The following SBNO1 variants were observed in gnomAD, a reference collection of about 807,000 sequenced individuals.
The protein encoded by SBNO1 is strawberry notch homolog 1, also known as protein strawberry notch homolog 1.
Under a neutral mutation model 173.6 loss-of-function variants are expected in SBNO1, and 23 were observed. The ratio of observed to expected loss-of-function variants is 0.13; its 90% CI spans 0.10 to 0.19. The LOEUF is 0.19. SBNO1 is among the 10% of genes least tolerant of loss of function. The probability of loss-of-function intolerance (pLI) is 1.00; values close to 1 mark genes in which losing one functional copy is unlikely to be tolerated. For synonymous variants in SBNO1, 632 were observed against 571.5 expected (o/e 1.11, Z -1.51); for missense variants, 1,238 against 1,671.2 (o/e 0.74, Z 4.52).
intron 6 of SBNO1, 119 bp downstream of exon 6, chr12:123,336,276 T>TA: frequency 2.9e-6 from 2 of 698,124 alleles, no homozygotes; most frequent in Admixed American, 5.8e-5. Context: ...GTTTTGGTTT[T>TA]AAAAGACTTT....
chr12:123,353,096 C>G (rs1946002007), intron 1 of SBNO1, among the ~76,000 whole-genome samples: 1 of 152,148 alleles, frequency 6.6e-6, no homozygotes, highest in African/African-American at 2.4e-5. Flanking sequence ...CCGCGCCCAG[C>G]CTCCCAAAGG....
At chr12:123,338,925 TCCC>T (rs1872212717) in intron 5 of SBNO1, among the ~76,000 whole-genome samples, 2 of 30,320 alleles carry the variant, frequency 6.6e-5, no homozygotes, top group Non-Finnish European at 5.6e-4. Flanking sequence ...CCCCCCCCCC[TCCC>T]CGACTAGTTT....
chr12:123,342,163 C>T (rs1872644019), intron 4 of SBNO1, among the ~76,000 whole-genome samples: 2 of 151,808 alleles, frequency 1.3e-5, no homozygotes, highest in Non-Finnish European at 2.9e-5. Context: ...AGGCAGAGAA[C>T]TGCTTGAACC....
intron 30 of SBNO1, among the ~76,000 whole-genome samples, chr12:123,301,496 T>A (rs2048788546): frequency 1.3e-5 from 2 of 152,122 alleles, no homozygotes; most frequent in African/African-American, 2.4e-5. Context: ...TTCCTTTTCA[T>A]GAAGTGGGCC....
At chr12:123,353,776 T>C in intron 1 of SBNO1, among the ~76,000 whole-genome samples, 1 of 152,224 alleles carries the variant, frequency 6.6e-6, no homozygotes, top group Admixed American at 6.5e-5. Flanking sequence ...CTTGGCCCAC[T>C]GGCTACAGAT....
chr12:123,345,830 C>A (rs1264273719), intron 3 of SBNO1, among the ~76,000 whole-genome samples: 1 of 151,990 alleles, frequency 6.6e-6, no homozygotes, highest in Admixed American at 6.6e-5. Context: ...CCACCATGCC[C>A]GGCAAATTTT....
intron 1 of SBNO1, 67 bp downstream of exon 1, chr12:123,364,634 G>GAGA (rs60536287): frequency 1.8e-5 from 18 of 983,076 alleles, no homozygotes; most frequent in South Asian, 9.4e-5. Context: ...GCCCCCCGAG[G>GAGA]GTGGGAGTGG....
At position 123,336,469 on chromosome 12, in the gene SBNO1, T is replaced by C; in HGVS notation, c.674A>G (p.Asp225Gly). ...TTCATCTTCTTCCTCTGGTTCATCA[T>C]CTTCTTTTACAACAGGAACCTTCTG... is the stretch of plus-strand genomic sequence containing the variant. Reference protein sequence around the residue: ...PTMKVPVVKEDDEPEEEDEEE... With the variant: ...PTMKVPVVKEGDEPEEEDEEE... The change falls in exon 6 of 32, where the codon GAT (aspartate) becomes GGT (glycine). Residue 225 changes from aspartate (D) to glycine (G), a missense_variant. Asp to Gly is a moderately conservative substitution (Grantham distance 94). Around this residue, in one of 14 missense-constraint regions of SBNO1, gnomAD observed 287 missense variants for 274.1 expected, o/e 1.05. Transcript: ENST00000602398. The C allele has an allele frequency of 6.2e-7, 1 of 1,612,588 alleles. No homozygotes were observed. The highest frequency in any genetic ancestry group is 1.1e-5 in the South Asian group (1 of 90,812).
At chr12:123,302,978 A>G in intron 29 of SBNO1, 78 bp from the exon 30 acceptor site, 3 of 1,039,720 alleles carry the variant, frequency 2.9e-6, no homozygotes, top group Non-Finnish European at 4.5e-6. Context: ...CTGTAATTCT[A>G]GAGGTAGCCA....
At position 123,297,866 on chromosome 12, in the gene SBNO1, T is replaced by C. The variant is rs2048660647; in HGVS notation, c.4039+112A>G. ...AATATAAAACGGGTCCCATACCCAC[T>C]ACTGGAAGAGATGTTAGATGCATGT... On this transcript the variant is annotated intron_variant, in intron 31 of 31. Coordinates refer to ENST00000602398, the MANE Select transcript of SBNO1 (RefSeq NM_001167856.3). 3 of 925,872 alleles carry C rather than the reference T, an allele frequency of 3.2e-6. No homozygotes were observed. The South Asian group carries it at 4.7e-5, about 14-fold the overall frequency. The allele number at this position is 925,872 out of a possible 1,614,324, so 57.4% of individuals were successfully genotyped here. A position where few individuals can be genotyped will look rare whatever the true frequency, so the allele number is the denominator to read the frequency against.
intron 14 of SBNO1, 128 bp downstream of exon 14, chr12:123,326,024 G>T (rs1378381979): frequency 1.7e-6 from 1 of 602,994 alleles, no homozygotes; most frequent in Non-Finnish European, 2.8e-6. Context: ...ATAATTTTAA[G>T]AAATGTATTT....
intron 1 of SBNO1, 195 bp downstream of exon 1, chr12:123,364,506 C>T: frequency 1.5e-5 from 15 of 983,794 alleles, no homozygotes; most frequent in Non-Finnish European, 1.7e-5. Flanking sequence ...TACAACGGAG[C>T]CGCCGTCGGG....
chr12:123,344,813 C>T (rs1872931470), intron 4 of SBNO1, among the ~76,000 whole-genome samples: 1 of 152,110 alleles, frequency 6.6e-6, no homozygotes, highest in African/African-American at 2.4e-5. Context: ...CGCACCACTG[C>T]ACTCCAGTCT....
chr12:123,311,985 C>A (rs1868627915), intron 24 of SBNO1, among the ~76,000 whole-genome samples: 1 of 151,722 alleles, frequency 6.6e-6, no homozygotes, highest in African/African-American at 2.4e-5. Context: ...AATGATCCAC[C>A]TGCCTTGGCC....
rs1201332426 is a variant in SBNO1 at position 123,330,356 on chromosome 12, A to G, written c.1134+63T>C. 1.8e-5 allele frequency: 17 copies of G among 969,340 alleles called. No individual in the cohort carries two copies. The Admixed American group carries it at 3.4e-4, about 20-fold the overall frequency. 60.0% of individuals were successfully genotyped at this position (969,340 alleles called of 1,614,324 possible). ...TCCCCTTATATACATAGCTATTATTATTGTCATCTCACAGATGAGTCAATA... is the reference window on the plus strand; with the variant it reads ...TCCCCTTATATACATAGCTATTATTGTTGTCATCTCACAGATGAGTCAATA... On this transcript the variant is annotated intron_variant, in intron 9 of 31. Coordinates refer to ENST00000602398, the MANE Select transcript of SBNO1 (RefSeq NM_001167856.3).
chr12:123,335,617 T>C (rs1871749855), intron 6 of SBNO1, among the ~76,000 whole-genome samples: 1 of 152,218 alleles, frequency 6.6e-6, no homozygotes, highest in African/African-American at 2.4e-5. Flanking sequence ...ATCCTGTCTC[T>C]TGTACAACTA....
intron 17 of SBNO1, 108 bp from the exon 18 acceptor site, chr12:123,320,974 T>C: frequency 1.1e-6 from 1 of 935,236 alleles, no homozygotes; most frequent in Non-Finnish European, 1.6e-6. Flanking sequence ...TGTTTCGCTG[T>C]TGTAGCCCAG....
At chr12:123,363,783 C>A in intron 1 of SBNO1, 1 of 856,650 alleles carries the variant, frequency 1.2e-6, no homozygotes, top group Non-Finnish European at 1.4e-6. Context: ...CTTCTCTGTG[C>A]GAGGATCAAG....
At chr12:123,329,892 T>C (rs769501913) in intron 9 of SBNO1, among the ~76,000 whole-genome samples, 1 of 152,176 alleles carries the variant, frequency 6.6e-6, no homozygotes, top group Non-Finnish European at 1.5e-5. Context: ...AACTGAACCT[T>C]AACATTCTAA....
Sources: gnomAD v4.1 joint callset for allele counts (sites outside exome capture counted in the v4.1 genomes callset) on GRCh38, gnomAD v4.1.1 for gene constraint, gnomAD v4.1.1 regional missense constraint, MANE v1.5 for transcripts, NCBI Gene and HGNC (gene_info 2026-07-23, HGNC 2026-07-21) for gene names.